The following CLDN14 variants were observed in gnomAD, a reference collection of about 807,000 sequenced individuals.
The protein encoded by CLDN14 is claudin 14.
In CLDN14, 2 loss-of-function variants were observed where a neutral mutation model predicts 2.1. The observed-to-expected ratio is 0.96, with a 90% confidence interval of 0.39 to 3.01. The LOEUF (loss-of-function observed/expected upper bound fraction) is 3.01, where lower values mean the gene tolerates loss of function less well. Among genes scored for constraint, CLDN14 ranks in the 30% most tolerant of loss-of-function variants. The pLI is 0.09. For synonymous variants in CLDN14, 136 were observed against 154.4 expected (o/e 0.88, Z 0.88); for missense variants, 298 against 328.0 (o/e 0.91, Z 0.71).
upstream of CLDN14, among the ~76,000 whole-genome samples, chr21:36,482,312 T>G (rs1378697168): frequency 1.3e-5 from 2 of 151,432 alleles, no homozygotes; most frequent in African/African-American, 4.8e-5. Flanking sequence ...TGATGGAAGT[T>G]AGTCAATGTT....
intron 2 of CLDN14, among the ~76,000 whole-genome samples, chr21:36,508,446 G>A (rs1034455821): frequency 6.6e-6 from 1 of 152,202 alleles, no homozygotes; most frequent in South Asian, 2.1e-4. Flanking sequence ...TGGGAGAGAT[G>A]ACCAAGGGGA....
intron 2 of CLDN14, among the ~76,000 whole-genome samples, chr21:36,493,286 G>A (rs761886970): frequency 2.0e-4 from 30 of 152,102 alleles, no homozygotes; most frequent in Non-Finnish European, 3.8e-4. Flanking sequence ...GTCCTGAGCT[G>A]GGGTCTGTGA....
At position 36,501,332 on chromosome 21, in the gene CLDN14, C is replaced by CTTTTTTTTTTTTTTTTT. The variant is rs58458004; in HGVS notation, c.-82+9014_-82+9030dup. 3.5e-4 allele frequency among the ~76,000 whole-genome samples: 17 copies of CTTTTTTTTTTTTTTTTT among 48,444 alleles called. 6 individuals carry two copies. Among genetic ancestry groups the CTTTTTTTTTTTTTTTTT allele is most frequent in the Non-Finnish European group, 3.9e-4 (9 of 23,302 alleles). 31.8% of individuals were successfully genotyped at this position (48,444 alleles called of 152,430 possible). On this transcript the variant is annotated intron_variant, in intron 2 of 2. Transcript: ENST00000342108. ...AATGGGAGTTTCAGTCAATATCTCA[C>CTTTTTTTTTTTTTTTTT]TTTTTTTTTTTTTTTTTTTTTTTTT...
chr21:36,557,262 A>G (rs527448202), intron 1 of CLDN14, among the ~76,000 whole-genome samples: 34 of 152,336 alleles, frequency 2.2e-4, no homozygotes, highest in Non-Finnish European at 4.3e-4. Context: ...GAGAATGATA[A>G]TATCTGTTTA....
intron 1 of CLDN14, among the ~76,000 whole-genome samples, chr21:36,472,977 C>T (rs1450190159): frequency 2.6e-5 from 4 of 152,214 alleles, no homozygotes; most frequent in African/African-American, 9.6e-5. Flanking sequence ...TGCAGCTTCA[C>T]CTGAGCAAGA....
At chr21:36,471,968 T>C (rs796598182) in intron 1 of CLDN14, among the ~76,000 whole-genome samples, 67 of 152,378 alleles carry the variant, frequency 4.4e-4, no homozygotes, top group African/African-American at 1.5e-3. Context: ...AGCAGTTAGT[T>C]GTTAATGATA....
chr21:36,509,625 T>A (rs961435797), intron 2 of CLDN14, among the ~76,000 whole-genome samples: 6 of 152,082 alleles, frequency 3.9e-5, no homozygotes, highest in African/African-American at 1.4e-4. Flanking sequence ...TGAGACTGGG[T>A]CTCACTCTGT....
chr21:36,473,326 A>ATCC, intron 1 of CLDN14, among the ~76,000 whole-genome samples: 1 of 152,220 alleles, frequency 6.6e-6, no homozygotes. Context: ...GGCTTAAGCA[A>ATCC]TCCTCCAACC....
intron 1 of CLDN14, among the ~76,000 whole-genome samples, chr21:36,511,884 A>C (rs2087189559): frequency 6.6e-6 from 1 of 152,150 alleles, no homozygotes; most frequent in South Asian, 2.1e-4. Flanking sequence ...TCCCCACCAA[A>C]GGGTCTAGAA....
intron 2 of CLDN14, among the ~76,000 whole-genome samples, chr21:36,492,163 G>A (rs1175920797): frequency 8.0e-6 from 1 of 124,802 alleles, no homozygotes; most frequent in Non-Finnish European, 1.6e-5. Flanking sequence ...GGCCGGGCGC[G>A]GTGGCTCACG....
At chr21:36,462,191 G>A (rs1315317369) in intron 1 of CLDN14, among the ~76,000 whole-genome samples, 1 of 152,192 alleles carries the variant, frequency 6.6e-6, no homozygotes, top group African/African-American at 2.4e-5. Flanking sequence ...ATAGCCCTGG[G>A]CGGTTGTCAG....
At chr21:36,510,742 G>A (rs1207754899) in intron 1 of CLDN14, among the ~76,000 whole-genome samples, 1 of 152,238 alleles carries the variant, frequency 6.6e-6, no homozygotes, top group Admixed American at 6.5e-5. Context: ...TGCTGTGAAG[G>A]TTTCATCTTT....
intron 2 of CLDN14, among the ~76,000 whole-genome samples, chr21:36,506,690 TG>T (rs908951652): frequency 1.2e-4 from 18 of 151,988 alleles, no homozygotes; most frequent in African/African-American, 4.3e-4. Flanking sequence ...CGATCACCTC[TG>T]GGGGGTGGAG....
intron 1 of CLDN14, among the ~76,000 whole-genome samples, chr21:36,535,838 CA>C (rs1029293455): frequency 6.6e-6 from 1 of 152,208 alleles, no homozygotes; most frequent in African/African-American, 2.4e-5. Flanking sequence ...GCACTTTCTG[CA>C]GTTCAAATGG....
At chr21:36,566,714 A>G (rs2087675448) in intron 1 of CLDN14, among the ~76,000 whole-genome samples, 1 of 152,250 alleles carries the variant, frequency 6.6e-6, no homozygotes. Flanking sequence ...TCTTATGTGC[A>G]CATCAAGACA....
chr21:36,562,925 A>T (rs1459495734), intron 1 of CLDN14, among the ~76,000 whole-genome samples: 1 of 152,196 alleles, frequency 6.6e-6, no homozygotes, highest in Non-Finnish European at 1.5e-5. Flanking sequence ...TGGGGCAAAT[A>T]ATAATATGGC....
In CLDN14 at chr21:36,563,232, A is replaced by G. The variant is rs531556303; in HGVS notation, c.-220+13179T>C. Among the ~76,000 whole-genome samples the G allele has an allele frequency of 3.3e-5, 5 of 152,328 alleles. No individual in the cohort carries two copies. In the South Asian group the frequency reaches 1.0e-3, roughly 32 times the overall value. On this transcript the variant is annotated intron_variant, in intron 1 of 2. Coordinates refer to the CLDN14 transcript ENST00000342108. ...AGGGCTTTGAAGGGTTTCATCTAGA[A>G]CAAGTTGCAGGTAATATGGGAAAAA...
chr21:36,475,740 T>A (rs145581775), intron 1 of CLDN14, among the ~76,000 whole-genome samples: 425 of 152,164 alleles, frequency 2.8e-3, no homozygotes, highest in African/African-American at 8.8e-3. Flanking sequence ...GATTTAACTT[T>A]TTTTATTTTA....
At chr21:36,571,758 A>G (rs985637745) in intron 1 of CLDN14, among the ~76,000 whole-genome samples, 9 of 152,080 alleles carry the variant, frequency 5.9e-5, no homozygotes, top group Admixed American at 2.0e-4. Context: ...GCCAAATTCC[A>G]TTCTCTCGGC....
Sources: allele counts gnomAD v4.1 joint callset (sites outside exome capture counted in the v4.1 genomes callset), GRCh38; gene constraint gnomAD v4.1.1; transcripts MANE v1.5; gene names NCBI Gene and HGNC (gene_info 2026-07-23, HGNC 2026-07-21).